ARHGAP44: variants seen among roughly 807,000 people sequenced by gnomAD.
ARHGAP44 encodes the protein rho GTPase-activating protein 44.
Under a neutral mutation model 106.8 loss-of-function variants are expected in ARHGAP44, and 43 were observed. The ratio of observed to expected loss-of-function variants is 0.40; its 90% CI spans 0.32 to 0.52. The LOEUF (loss-of-function observed/expected upper bound fraction) is 0.52. Among genes scored for constraint, ARHGAP44 ranks in the 20% least tolerant of loss-of-function variants. ARHGAP44 has a pLI of 0.48. For missense variants in ARHGAP44, 866 were observed against 1,050.5 expected (o/e 0.82, Z 2.43); for synonymous variants, 439 against 410.3 (o/e 1.07, Z -0.85).
intron 6 of ARHGAP44, among the ~76,000 whole-genome samples, chr17:12,926,252 C>T (rs1001597853): frequency 6.6e-6 from 1 of 151,696 alleles, no homozygotes; most frequent in African/African-American, 2.4e-5. Context: ...GTAATCCCAG[C>T]TACTCGGGAG....
Position 12,849,491 on chromosome 17 carries a change from G to T in ARHGAP44, c.54-45449G>T, listed in dbSNP as rs573345905. Reference sequence around the variant, plus strand: ...CGATTTTCTGTTTCTGGTTTGAATTGTGGTTGTTCCCTGGAACCAAATCTC... The same window carrying T: ...CGATTTTCTGTTTCTGGTTTGAATTTTGGTTGTTCCCTGGAACCAAATCTC... On this transcript the variant is annotated intron_variant, in intron 1 of 20. Transcript: ENST00000379672. Among the ~76,000 whole-genome samples, 7 of 150,362 alleles carry T rather than the reference G, an allele frequency of 4.7e-5. No individual in the cohort carries two copies. In the South Asian group the frequency reaches 1.5e-3, roughly 32 times the overall value.
At chr17:12,919,273 A>T (rs2038003967) in intron 5 of ARHGAP44, among the ~76,000 whole-genome samples, 1 of 152,234 alleles carries the variant, frequency 6.6e-6, no homozygotes, top group Admixed American at 6.5e-5. Flanking sequence ...AATTCCTATT[A>T]GTTAGACCTC....
intron 13 of ARHGAP44, 198 bp from the exon 14 acceptor site, chr17:12,955,669 G>A (rs1247007818): frequency 1.9e-6 from 1 of 512,828 alleles, no homozygotes; most frequent in African/African-American, 1.9e-5. Flanking sequence ...GACCCAGTGA[G>A]ATCTGAGCCT....
In ARHGAP44 at chr17:12,958,802, C is replaced by A. The variant is rs746368342; in HGVS notation, c.1428C>A (p.Asp476Glu). 1 of 1,612,642 alleles carries A rather than the reference C, an allele frequency of 6.2e-7. No individual in the cohort carries two copies. The part of the protein sequence containing the change: ...NANYSSMPSP[D>E]MDPADRRQPE... ...ACTACAGCTCAATGCCCTCCCCAGACATGGACCCTGCTGACCGGCGCCAGC... is the reference window on the plus strand; with the variant it reads ...ACTACAGCTCAATGCCCTCCCCAGAAATGGACCCTGCTGACCGGCGCCAGC... The change falls in exon 16 of 21, where the codon GAC becomes GAA. Residue 476 changes from aspartate to glutamate, a missense_variant. Asp to Glu is a conservative substitution (Grantham distance 45). Around this residue, in one of 2 missense-constraint regions of ARHGAP44, gnomAD observed 448 missense variants for 646.9 expected, o/e 0.69. Coordinates refer to ENST00000379672, the MANE Select transcript of ARHGAP44 (RefSeq NM_014859.6). This position sits in a 1 kb window ranked among gnomAD's most constrained non-coding sequence, Gnocchi z 4.1.
Position 12,952,022 on chromosome 17 carries a change from G to A in ARHGAP44, c.1056-479G>A, listed in dbSNP as rs543945157. On this transcript the variant is annotated intron_variant, in intron 12 of 20. Coordinates refer to ENST00000379672, the MANE Select transcript of ARHGAP44 (RefSeq NM_014859.6). ...AGATCTGCCATAAGATGGGACATCC[G>A]GGGGCCACAGGAGGAGCCAGGGAAG... 4.1e-4 allele frequency among the ~76,000 whole-genome samples: 62 copies of A among 152,266 alleles called. No individual in the cohort carries two copies. In the South Asian group the frequency reaches 9.3e-3, roughly 23 times the overall value.
intron 20 of ARHGAP44, 164 bp downstream of exon 20, chr17:12,985,072 A>G (rs2039926616): frequency 4.7e-6 from 4 of 843,502 alleles, no homozygotes; most frequent in Admixed American, 3.0e-5. Flanking sequence ...AAGCCCACCA[A>G]TGGAAAGCAA....
chr17:12,892,856 A>T, intron 1 of ARHGAP44, among the ~76,000 whole-genome samples: 1 of 146,418 alleles, frequency 6.8e-6, no homozygotes, highest in South Asian at 2.2e-4. Flanking sequence ...TTTCTTCTTT[A>T]TATCTTCTAT....
chr17:12,891,504 A>G (rs1405844270), intron 1 of ARHGAP44, among the ~76,000 whole-genome samples: 1 of 152,122 alleles, frequency 6.6e-6, no homozygotes, highest in African/African-American at 2.4e-5. Context: ...CACCCTCATG[A>G]TAATGAACAC....
At chr17:12,925,778 G>A (rs955499927) in intron 6 of ARHGAP44, among the ~76,000 whole-genome samples, 1 of 152,204 alleles carries the variant, frequency 6.6e-6, no homozygotes. Flanking sequence ...AATGTCTAGT[G>A]TTCCTGTTTC....
chr17:12,974,344 G>C, intron 18 of ARHGAP44, 34 bp downstream of exon 18: 2 of 1,381,640 alleles, frequency 1.4e-6, no homozygotes, highest in Non-Finnish European at 9.3e-7. Flanking sequence ...GGGCGGGCTG[G>C]TGTGCGGTGC....
At chr17:12,793,944 A>G (rs1256688517) in intron 1 of ARHGAP44, among the ~76,000 whole-genome samples, 1 of 152,140 alleles carries the variant, frequency 6.6e-6, no homozygotes, top group African/African-American at 2.4e-5. Context: ...AGTCTTTTGA[A>G]GTAGTTCAAA....
At chr17:12,911,626 A>G (rs2037740633) in intron 4 of ARHGAP44, among the ~76,000 whole-genome samples, 1 of 152,172 alleles carries the variant, frequency 6.6e-6, no homozygotes, top group Admixed American at 6.5e-5. Flanking sequence ...TTGGATCACT[A>G]AACTCTGCCC....
intron 1 of ARHGAP44, among the ~76,000 whole-genome samples, chr17:12,889,167 C>A (rs2036968950): frequency 6.6e-6 from 1 of 152,006 alleles, no homozygotes; most frequent in Non-Finnish European, 1.5e-5. Context: ...TTTCTTCTTT[C>A]TTGTATTCAT....
At chr17:12,886,754 C>T (rs887277892) in intron 1 of ARHGAP44, among the ~76,000 whole-genome samples, 2 of 151,902 alleles carry the variant, frequency 1.3e-5, no homozygotes, top group African/African-American at 4.8e-5. Flanking sequence ...TTTTATTTGT[C>T]CCTCTTATAT....
chr17:12,850,362 G>A (rs540724307), intron 1 of ARHGAP44, among the ~76,000 whole-genome samples: 1 of 151,536 alleles, frequency 6.6e-6, no homozygotes, highest in Non-Finnish European at 1.5e-5. Flanking sequence ...ATCAACAAGA[G>A]GACAAAGAGC....
intron 1 of ARHGAP44, among the ~76,000 whole-genome samples, chr17:12,860,528 C>T (rs4792295): frequency 0.62 from 94,655 of 152,112 alleles, 30,203 homozygotes; most frequent in Non-Finnish European, 0.68. Flanking sequence ...CAGTGCTAGG[C>T]AACATGGTGA....
intron 1 of ARHGAP44, among the ~76,000 whole-genome samples, chr17:12,808,917 G>A (rs944442884): frequency 6.6e-6 from 1 of 152,108 alleles, no homozygotes; most frequent in African/African-American, 2.4e-5. Context: ...CCATGTCTTT[G>A]TGAATACATA....
intron 1 of ARHGAP44, among the ~76,000 whole-genome samples, chr17:12,873,914 TAAATAAATAAATAAAC>T (rs985534726): frequency 0.036 from 547 of 15,330 alleles, 7 homozygotes; most frequent in Non-Finnish European, 0.047. Flanking sequence ...AAAAAATAAA[TAAATAAATAAATAAAC>T]AAATAAATAA....
intron 1 of ARHGAP44, among the ~76,000 whole-genome samples, chr17:12,835,781 T>A (rs562247037): frequency 6.6e-6 from 1 of 152,160 alleles, no homozygotes; most frequent in Non-Finnish European, 1.5e-5. Flanking sequence ...CGGCACTCAT[T>A]AAACAATAAC....
Sources: allele counts gnomAD v4.1 joint callset (sites outside exome capture counted in the v4.1 genomes callset), GRCh38; gene constraint gnomAD v4.1.1; regional missense constraint gnomAD v4.1.1; non-coding constraint Gnocchi (gnomAD v3.1); transcripts MANE v1.5; gene names NCBI Gene and HGNC (gene_info 2026-07-23, HGNC 2026-07-21).